FOXN3: variants seen among roughly 807,000 people sequenced by gnomAD.
FOXN3 encodes forkhead box protein N3.
Under a neutral mutation model 38.4 loss-of-function variants are expected in FOXN3, and 7 were observed. The ratio of observed to expected loss-of-function variants is 0.18; its 90% CI spans 0.10 to 0.34. The LOEUF (loss-of-function observed/expected upper bound fraction) is 0.34. FOXN3 is among the 10% of genes least tolerant of loss of function. The probability of loss-of-function intolerance (pLI) is 1.00; values close to 1 mark genes in which losing one functional copy is unlikely to be tolerated. For missense variants in FOXN3, 456 were observed against 613.4 expected (o/e 0.74, Z 2.71); for synonymous variants, 230 against 242.2 (o/e 0.95, Z 0.47).
At chr14:89,430,323 G>A (rs1370121985) in intron 1 of FOXN3, among the ~76,000 whole-genome samples, 1 of 152,138 alleles carries the variant, frequency 6.6e-6, no homozygotes, top group Non-Finnish European at 1.5e-5. Flanking sequence ...CCTGCTTCCA[G>A]TGGTCATGAT....
chr14:89,317,584 C>G (rs1887758153), intron 3 of FOXN3, among the ~76,000 whole-genome samples: 1 of 152,106 alleles, frequency 6.6e-6, no homozygotes, highest in Admixed American at 6.5e-5. Context: ...GAAGACTTCA[C>G]TTATACGACT....
At chr14:89,302,487 G>A (rs187405836) in intron 3 of FOXN3, among the ~76,000 whole-genome samples, 3 of 152,180 alleles carry the variant, frequency 2.0e-5, no homozygotes, top group East Asian at 3.9e-4. Context: ...CGAATAAAGA[G>A]GACCACACAA....
intron 1 of FOXN3, among the ~76,000 whole-genome samples, chr14:89,536,444 T>C (rs2139842965): frequency 1.3e-5 from 2 of 152,256 alleles, no homozygotes; most frequent in Non-Finnish European, 2.9e-5. Flanking sequence ...GAATAGGTAT[T>C]ATTTGTGTCT....
At chr14:89,513,478 C>T (rs1221333613) in intron 1 of FOXN3, among the ~76,000 whole-genome samples, 1 of 152,002 alleles carries the variant, frequency 6.6e-6, no homozygotes, top group Non-Finnish European at 1.5e-5. Flanking sequence ...GAGTTCAAGC[C>T]ATCCTCCTGC....
Position 89,162,695 on chromosome 14 carries a change from T to C in FOXN3, c.1126A>G (p.Arg376Gly). 1 of 1,614,138 alleles carries C rather than the reference T, an allele frequency of 6.2e-7. No homozygotes were observed. The highest frequency in any genetic ancestry group is 1.1e-5 in the South Asian group (1 of 91,078). Residue 376 changes from arginine to glycine, a missense_variant, in exon 6 of 6, where the codon AGG becomes GGG. Physicochemically the swap from Arg to Gly is moderately radical, Grantham distance 125 (BLOSUM62 -2). Around this residue, in one of 3 missense-constraint regions of FOXN3, gnomAD observed 386 missense variants for 505.2 expected, o/e 0.76. Transcript: ENST00000557258. The surrounding 1 kb of genome is among the most constrained non-coding windows in gnomAD (Gnocchi z 7.2). Reference protein sequence around the residue: ...ESPSDTEEDDRKHSQKEPKDS... With the variant: ...ESPSDTEEDDGKHSQKEPKDS... ...TTGGGCTCCTTCTGGCTGTGCTTCC[T>C]GTCGTCCTCTTCCGTGTCGCTGGGG...
At chr14:89,372,471 C>T (rs1890348929) in intron 2 of FOXN3, among the ~76,000 whole-genome samples, 1 of 152,180 alleles carries the variant, frequency 6.6e-6, no homozygotes, top group Non-Finnish European at 1.5e-5. Flanking sequence ...TCCAATTTGA[C>T]AACAGCTGAC....
chr14:89,600,716 C>T (rs57771911), intron 1 of FOXN3, among the ~76,000 whole-genome samples: 3,451 of 152,248 alleles, frequency 0.023, 132 homozygotes, highest in African/African-American at 0.079. Context: ...AGGAAGTTAA[C>T]TATTACAGCC....
In FOXN3 at chr14:89,162,628, T is replaced by C. The variant is rs777987338; in HGVS notation, c.1193A>G (p.Lys398Arg). 2.5e-6 allele frequency: 4 copies of C among 1,613,612 alleles called. No individual in the cohort carries two copies. The highest frequency in any genetic ancestry group is 3.4e-6 in the Non-Finnish European group (4 of 1,179,862). The part of the protein sequence containing the change: ...GDSGYASQHK[K>R]RQHFAKARKV... ...CCTGGCCTTGGCGAAGTGCTGGCGC[T>C]TCTTGTGCTGGGATGCGTACCCGCT... Residue 398 changes from lysine to arginine, a missense_variant, in exon 6 of 6, where the codon AAG becomes AGG. Around this residue, in one of 3 missense-constraint regions of FOXN3, gnomAD observed 386 missense variants for 505.2 expected, o/e 0.76. Coordinates refer to ENST00000557258, the MANE Select transcript of FOXN3 (RefSeq NM_005197.4). This position sits in a 1 kb window ranked among gnomAD's most constrained non-coding sequence, Gnocchi z 7.2.
At chr14:89,463,034 T>C (rs1435174778) in intron 1 of FOXN3, among the ~76,000 whole-genome samples, 1 of 150,586 alleles carries the variant, frequency 6.6e-6, no homozygotes, top group Non-Finnish European at 1.5e-5. Context: ...GCAGTGGCTG[T>C]AATCCCAGCA....
At chr14:89,303,000 C>T (rs747790017) in intron 3 of FOXN3, among the ~76,000 whole-genome samples, 4 of 152,210 alleles carry the variant, frequency 2.6e-5, no homozygotes, top group Non-Finnish European at 4.4e-5. Flanking sequence ...AATGACTCCA[C>T]TTTAATTTGT....
intron 1 of FOXN3, among the ~76,000 whole-genome samples, chr14:89,573,287 G>T (rs1478812695): frequency 6.6e-6 from 1 of 152,138 alleles, no homozygotes; most frequent in Non-Finnish European, 1.5e-5. Flanking sequence ...AGCAGATATG[G>T]TCTGAATTGG....
At chr14:89,566,838 T>C (rs1255778448) in intron 1 of FOXN3, among the ~76,000 whole-genome samples, 5 of 151,526 alleles carry the variant, frequency 3.3e-5, no homozygotes, top group African/African-American at 1.2e-4. Context: ...TTCCTCCTCC[T>C]CCTCCTCCAC....
chr14:89,597,347 C>G (rs1212747000), intron 1 of FOXN3, among the ~76,000 whole-genome samples: 1 of 152,096 alleles, frequency 6.6e-6, no homozygotes, highest in Non-Finnish European at 1.5e-5. Flanking sequence ...TCTATGATTT[C>G]CATCAATATG....
intron 2 of FOXN3, among the ~76,000 whole-genome samples, chr14:89,379,170 C>A (rs1490787857): frequency 6.6e-6 from 1 of 152,188 alleles, no homozygotes; most frequent in Non-Finnish European, 1.5e-5. Flanking sequence ...CAAGAGCATG[C>A]AGCTACTGGT....
intron 1 of FOXN3, among the ~76,000 whole-genome samples, chr14:89,607,734 T>TAGAATGGA (rs1226097823): frequency 1.3e-5 from 2 of 151,972 alleles, no homozygotes; most frequent in Non-Finnish European, 2.9e-5. Flanking sequence ...TTAACTAAAA[T>TAGAATGGA]AGAATGGAGT....
At chr14:89,355,169 C>A in intron 2 of FOXN3, 1 of 149,562 alleles carries the variant, frequency 6.7e-6, no homozygotes, top group East Asian at 2.0e-4. Flanking sequence ...AAACAAGAGC[C>A]CATATTGTAG....
intron 1 of FOXN3, among the ~76,000 whole-genome samples, chr14:89,545,411 C>A (rs1242525770): frequency 6.6e-6 from 1 of 152,184 alleles, no homozygotes; most frequent in Non-Finnish European, 1.5e-5. Flanking sequence ...CGGGTGAAAC[C>A]AAACTGTGCC....
intron 1 of FOXN3, among the ~76,000 whole-genome samples, chr14:89,414,809 C>T (rs752320423): frequency 6.2e-4 from 95 of 152,248 alleles, no homozygotes; most frequent in Non-Finnish European, 1.1e-3. Context: ...CCTCGGCCTC[C>T]CAAAGTGCTG....
intron 2 of FOXN3, among the ~76,000 whole-genome samples, chr14:89,371,548 G>C (rs1890318841): frequency 6.6e-6 from 1 of 151,810 alleles, no homozygotes. Flanking sequence ...AACAGCTGTT[G>C]GTCCTCTCCC....
Sources: allele counts gnomAD v4.1 joint callset (sites outside exome capture counted in the v4.1 genomes callset), GRCh38; gene constraint gnomAD v4.1.1; regional missense constraint gnomAD v4.1.1; non-coding constraint Gnocchi (gnomAD v3.1); transcripts MANE v1.5; gene names NCBI Gene and HGNC (gene_info 2026-07-23, HGNC 2026-07-21).